Variants in B4GALT3 observed in about 807,000 individuals in gnomAD.
B4GALT3 encodes the protein beta-1,4-galactosyltransferase 3, also known as N-acetyllactosamine synthase.
Under a neutral mutation model 40.7 loss-of-function variants are expected in B4GALT3, and 29 were observed. The observed-to-expected ratio is 0.71, with a 90% CI of 0.53 to 0.97. The LOEUF (loss-of-function observed/expected upper bound fraction) is 0.97. Ranked by LOEUF, B4GALT3 falls within the 50% of genes least tolerant of loss-of-function variation. The pLI is 0.00. For missense variants in B4GALT3, 390 were observed against 522.3 expected (o/e 0.75, Z 2.47); for synonymous variants, 182 against 203.9 (o/e 0.89, Z 0.92).
chr1:161,175,738 C>T (rs1476574496), intron 3 of B4GALT3, 70 bp downstream of exon 3: 3 of 1,579,494 alleles, frequency 1.9e-6, no homozygotes, highest in Non-Finnish European at 2.6e-6. Context: ...CTCCATGCCT[C>T]CCTATCCCCA....
intron 4 of B4GALT3, among the ~76,000 whole-genome samples, chr1:161,174,409 A>G (rs1382337234): frequency 1.3e-5 from 2 of 152,050 alleles, no homozygotes; most frequent in Non-Finnish European, 2.9e-5. Context: ...TCTCAAAAAA[A>G]AAAAAAAAGA....
rs765309135 is a variant in B4GALT3 at position 161,171,885 on chromosome 1, T to C, written c.1113A>G (p.Gln371=). Residue 371 remains glutamine, a synonymous_variant, in exon 8 of 8, where the codon CAA becomes CAG. Coordinates refer to ENST00000319769, the MANE Select transcript of B4GALT3 (RefSeq NM_003779.4). ...SSQAFRQEML[Q]RRPPARPGPL... ...GCCCAGGCCTGGCTGGGGGCCGGCG[T>C]TGCAGCATCTCTTGACGGAAGGCTT... 8.7e-6 allele frequency: 14 copies of C among 1,614,128 alleles called. No individual in the cohort carries two copies. The highest frequency in any genetic ancestry group is 1.1e-5 in the Non-Finnish European group (13 of 1,179,986).
chr1:161,172,145 G>T lies in B4GALT3; in HGVS notation c.909-56C>A, dbSNP rs1231289632. On this transcript the variant is annotated intron_variant, in intron 7 of 7. Transcript: ENST00000319769. ...AGAAAGGAACAGCCAGAAATCTAGG[G>T]ACCTTTAGGATTTTCCTGGCTAGGG... 3.7e-6 allele frequency: 6 copies of T among 1,611,772 alleles called. No homozygotes were observed. In the South Asian group the frequency reaches 6.6e-5, roughly 18 times the overall value.
chr1:161,177,054 C>A (rs765720429), intron 1 of B4GALT3: 6 of 1,535,736 alleles, frequency 3.9e-6, no homozygotes, highest in African/African-American at 1.4e-5. Flanking sequence ...GTGGCGTCCT[C>A]TACCTTTTCT....
In B4GALT3 at chr1:161,176,015, C is replaced by T. The variant is rs771584034; in HGVS notation, c.46G>A (p.Val16Met). ...ATCATGACAGCCAGCTGGGAGCCCA[C>T]AAGCAGGGCCAGCGTGCAAGGCCGC... Reference protein sequence around the residue: ...LERPCTLALLVGSQLAVMMYL... With the variant: ...LERPCTLALLMGSQLAVMMYL... Residue 16 changes from valine to methionine, a missense_variant, in exon 3 of 8, where the codon GTG becomes ATG. Val to Met is a conservative substitution (Grantham distance 21). Transcript: ENST00000319769. The T allele has an allele frequency of 1.2e-5, 20 of 1,614,000 alleles. No homozygotes were observed. Among genetic ancestry groups the T allele is most frequent in the Non-Finnish European group, 1.0e-5 (12 of 1,180,022 alleles).
At chr1:161,172,484 G>A (rs1412863879) in intron 6 of B4GALT3, 153 bp from the exon 7 acceptor site, 26 of 653,806 alleles carry the variant, frequency 4.0e-5, no homozygotes, top group Non-Finnish European at 5.9e-5. Flanking sequence ...AGAAGGAAAT[G>A]GCTGAAGAGA....
Position 161,173,956 on chromosome 1 carries a change from C to T in B4GALT3, c.583G>A (p.Asp195Asn), listed in dbSNP as rs373721033. The T allele has an allele frequency of 2.5e-6, 4 of 1,614,068 alleles. No homozygotes were observed. The highest frequency in any genetic ancestry group is 3.4e-6 in the Non-Finnish European group (4 of 1,180,044). Reference sequence around the variant, plus strand: ...TCATTTTCTGGCAAGAGGTCCACATCGTGCAAGAACAGGCAGTCCCACTCT... The same window carrying T: ...TCATTTTCTGGCAAGAGGTCCACATTGTGCAAGAACAGGCAGTCCCACTCT... Reference protein sequence around the residue: ...DEEWDCLFLHDVDLLPENDHN... With the variant: ...DEEWDCLFLHNVDLLPENDHN... The change falls in exon 5 of 8, where the codon GAT (aspartate) becomes AAT (asparagine). Residue 195 changes from aspartate (D) to asparagine (N), a missense_variant. Asp to Asn is a conservative substitution (Grantham distance 23). Around this residue, in one of 3 missense-constraint regions of B4GALT3, gnomAD observed 135 missense variants for 227.8 expected, o/e 0.59. Coordinates refer to ENST00000319769, the MANE Select transcript of B4GALT3 (RefSeq NM_003779.4).
At chr1:161,174,362 C>T (rs1449163839) in intron 4 of B4GALT3, among the ~76,000 whole-genome samples, 6 of 147,082 alleles carry the variant, frequency 4.1e-5, no homozygotes, top group East Asian at 4.0e-4. Flanking sequence ...CAGCCGAGAT[C>T]GTGCCACTGC....
intron 4 of B4GALT3, among the ~76,000 whole-genome samples, chr1:161,174,547 G>A (rs1662778258): frequency 6.6e-6 from 1 of 152,170 alleles, no homozygotes; most frequent in Non-Finnish European, 1.5e-5. Context: ...GTATTGGTAT[G>A]GACCTGATAC....
At position 161,172,232 on chromosome 1, in the gene B4GALT3, G is replaced by A; in HGVS notation, c.903C>T (p.Pro301=). The change falls in exon 7 of 8, where the codon CCC becomes CCT. Residue 301 remains proline (P), a synonymous_variant. Transcript: ENST00000319769. ...CAGTCCTTCCTTCTTCCTACCTGTG[G>A]GGATTTTCCTCATTGCCCTTATCTC... is the stretch of plus-strand genomic sequence containing the variant. ...HRGDKGNEEN[P]HRFDLLVRTQ... The A allele has an allele frequency of 6.2e-7, 1 of 1,614,000 alleles. No individual in the cohort carries two copies. The highest frequency in any genetic ancestry group is 8.5e-7 in the Non-Finnish European group (1 of 1,179,960).
At position 161,174,842 on chromosome 1, in the gene B4GALT3, T is replaced by A; in HGVS notation, c.489+151A>T. The A allele has an allele frequency of 4.0e-6, 3 of 752,018 alleles. No homozygotes were observed. In the South Asian group the frequency reaches 5.1e-5, roughly 13 times the overall value. 46.6% of individuals were successfully genotyped at this position (752,018 alleles called of 1,614,324 possible). On this transcript the variant is annotated intron_variant, in intron 4 of 7. Transcript: ENST00000319769. The stretch of plus-strand genomic sequence containing the variant: ...AGGAAAAGTATGGGACTAACAAAGT[T>A]GGAAGAGCAGTGCCGGGTGCTTCTC...
At chr1:161,177,389 G>A in intron 1 of B4GALT3, 34 bp downstream of exon 1, 1 of 298,968 alleles carries the variant, frequency 3.3e-6, no homozygotes, top group Non-Finnish European at 6.5e-6. Context: ...CTTTATCCCA[G>A]GCCTCCGTGT....
At chr1:161,176,136 AGTAG>A in intron 2 of B4GALT3, 62 bp from the exon 3 acceptor site, 3 of 1,567,604 alleles carry the variant, frequency 1.9e-6, no homozygotes, top group Non-Finnish European at 2.6e-6. Context: ...CAGAGAGGTC[AGTAG>A]GTAGGGTTGA....
In B4GALT3 at chr1:161,171,907, G is replaced by A. The variant is rs374982935; in HGVS notation, c.1091C>T (p.Ala364Val). 13 of 1,614,182 alleles carry A rather than the reference G, an allele frequency of 8.1e-6. No individual in the cohort carries two copies. Among genetic ancestry groups the A allele is most frequent in the Non-Finnish European group, 1.1e-5 (13 of 1,180,028 alleles). The change falls in exon 8 of 8, where the codon GCC (alanine) becomes GTC (valine). Residue 364 changes from alanine (A) to valine (V), a missense_variant. Transcript: ENST00000319769. ...GCGTTGCAGCATCTCTTGACGGAAG[G>A]CTTGGGAGGAACCAGGTGGGTAACG... Reference protein sequence around the residue: ...GPRYPPGSSQAFRQEMLQRRP... With the variant: ...GPRYPPGSSQVFRQEMLQRRP...
chr1:161,171,545 C>G lies in B4GALT3; in HGVS notation c.*271G>C. 1.7e-6 allele frequency: 1 copy of G among 589,454 alleles called. No individual in the cohort carries two copies. Among genetic ancestry groups the G allele is most frequent in the East Asian group, 2.9e-5 (1 of 33,980 alleles). The allele number at this position is 589,454 out of a possible 1,614,324, so 36.5% of individuals were successfully genotyped here. On this transcript the variant is annotated 3_prime_UTR_variant, in exon 8 of 8. Coordinates refer to ENST00000319769, the MANE Select transcript of B4GALT3 (RefSeq NM_003779.4). ...CTTGGGGTCCAGCCCTGCTCCTACTCTAGGGGCAGGGACTCCTAGGAATCG... is the reference window on the plus strand; with the variant it reads ...CTTGGGGTCCAGCCCTGCTCCTACTGTAGGGGCAGGGACTCCTAGGAATCG...
Position 161,171,892 on chromosome 1 carries a change from A to G in B4GALT3, c.1106T>C (p.Met369Thr). Residue 369 changes from methionine (M) to threonine (T), a missense_variant, in exon 8 of 8, where the codon ATG becomes ACG. Transcript: ENST00000319769. Reference sequence around the variant, plus strand: ...CCTGGCTGGGGGCCGGCGTTGCAGCATCTCTTGACGGAAGGCTTGGGAGGA... The same window carrying G: ...CCTGGCTGGGGGCCGGCGTTGCAGCGTCTCTTGACGGAAGGCTTGGGAGGA... ...PGSSQAFRQE[M>T]LQRRPPARPG... is the part of the protein sequence containing the mutation. 1 of 1,614,192 alleles carries G rather than the reference A, an allele frequency of 6.2e-7. No individual in the cohort carries two copies.
rs778773765 is a variant in B4GALT3, at chr1:161,176,062, C to G, written c.-2G>C. The G allele has an allele frequency of 2.0e-5, 32 of 1,613,948 alleles. 1 individual carries two copies. In the South Asian group the frequency reaches 3.4e-4, roughly 17 times the overall value. On this transcript the variant is annotated 5_prime_UTR_variant, in exon 3 of 8. Coordinates refer to ENST00000319769, the MANE Select transcript of B4GALT3 (RefSeq NM_003779.4). ...CCGCTCCAGCAGCCTCCGCAACATCCTGGGGGTGAGATCTAGGGAGGGAGA... is the reference window on the plus strand; with the variant it reads ...CCGCTCCAGCAGCCTCCGCAACATCGTGGGGGTGAGATCTAGGGAGGGAGA...
At position 161,173,682 on chromosome 1, in the gene B4GALT3, AG is replaced by A; in HGVS notation, c.725del (p.Pro242LeufsTer5). 2 of 1,614,198 alleles carry A rather than the reference AG, an allele frequency of 1.2e-6. No individual in the cohort carries two copies. Among genetic ancestry groups the A allele is most frequent in the Non-Finnish European group, 1.7e-6 (2 of 1,180,034 alleles). ...QYFGGVSALT[P>X]DQYLKMNGFP... ...AGCCATTCATCTTCAGGTACTGGTC[AG>A]GAGTAAGTGCTGAGACTCCTCCGAA... On this transcript the variant is annotated frameshift_variant, in exon 6 of 8. Coordinates refer to ENST00000319769, the MANE Select transcript of B4GALT3 (RefSeq NM_003779.4). LOFTEE classifies it high-confidence loss of function.
chr1:161,172,103 G>A lies in B4GALT3; in HGVS notation c.909-14C>T. ...AGGAGGTCAAATCTGAGGGTTAGAG[G>A]TTGGAGACTAAGACCCAGAAAGGAA... On this transcript the variant is annotated splice_polypyrimidine_tract_variant and intron_variant, in intron 7 of 7. Transcript: ENST00000319769. The A allele has an allele frequency of 1.2e-6, 2 of 1,613,070 alleles. No homozygotes were observed. Among genetic ancestry groups the A allele is most frequent in the Non-Finnish European group, 1.7e-6 (2 of 1,179,174 alleles).
Sources: gnomAD v4.1 joint callset for allele counts (sites outside exome capture counted in the v4.1 genomes callset) on GRCh38, gnomAD v4.1.1 for gene constraint, gnomAD v4.1.1 regional missense constraint, MANE v1.5 for transcripts, NCBI Gene and HGNC (gene_info 2026-07-23, HGNC 2026-07-21) for gene names.